DMD: variants seen among roughly 807,000 people sequenced by gnomAD.
DMD encodes dystrophin.
A neutral mutation model predicts 330.1 loss-of-function variants in DMD; 63 were observed. The ratio of observed to expected loss-of-function variants is 0.19; its 90% CI spans 0.16 to 0.24. The LOEUF (loss-of-function observed/expected upper bound fraction) is 0.24. DMD is among the 10% of genes least tolerant of loss of function. The pLI, the probability that DMD is intolerant of heterozygous loss-of-function variation, is 1.00. For missense variants in DMD, 3,344 were observed against 2,684.1 expected (o/e 1.25, Z -5.43); for synonymous variants, 1,223 against 959.8 (o/e 1.27, Z -5.07).
chrX:31,557,976 T>C (rs1049250437), intron 55 of DMD, among the ~76,000 whole-genome samples: 2 of 111,698 alleles, frequency 1.8e-5, no homozygotes, highest in African/African-American at 6.5e-5. Flanking sequence ...CCTTTAGACA[T>C]TCTAGAATGA....
chrX:32,988,615 T>G (rs1288917240), intron 2 of DMD, among the ~76,000 whole-genome samples: 2 of 112,146 alleles, frequency 1.8e-5, no homozygotes, highest in Non-Finnish European at 1.9e-5. Flanking sequence ...CATGAGATAT[T>G]GATGTCTTTG....
At chrX:33,126,033 C>G (rs1217675617) in intron 1 of DMD, among the ~76,000 whole-genome samples, 1 of 51,314 alleles carries the variant, frequency 1.9e-5, no homozygotes, top group South Asian at 1.4e-3. Flanking sequence ...AGCGAGACTC[C>G]GTCTCAAGAA....
intron 1 of DMD, among the ~76,000 whole-genome samples, chrX:33,168,967 T>C (rs2049196371): frequency 9.7e-6 from 1 of 103,567 alleles, no homozygotes; most frequent in African/African-American, 3.4e-5. Context: ...CCAAATAAGA[T>C]AGATTCCTGT....
intron 17 of DMD, among the ~76,000 whole-genome samples, chrX:32,543,143 G>C (rs1272464206): frequency 9.0e-6 from 1 of 111,432 alleles, no homozygotes; most frequent in African/African-American, 3.3e-5. Flanking sequence ...ATCTACTACT[G>C]AGCACATAAT....
In DMD at chrX:32,820,306, G is replaced by T. The variant is rs1417976136; in HGVS notation, c.357+2989C>A. On this transcript the variant is annotated intron_variant, in intron 5 of 78. Coordinates refer to ENST00000357033, the MANE Select transcript of DMD (RefSeq NM_004006.3). ...AAATACAAAAAATTAGCCGGGCGTG[G>T]TGGCGGGCGCCTGTAGTCCCAGCTA... Among the ~76,000 whole-genome samples the T allele has an allele frequency of 3.6e-5, 4 of 111,076 alleles. No individual in the cohort carries two copies. The East Asian group carries it at 1.1e-3, about 32-fold the overall frequency.
At chrX:31,898,835 T>C (rs1010112963) in intron 47 of DMD, among the ~76,000 whole-genome samples, 6 of 112,090 alleles carry the variant, frequency 5.4e-5, no homozygotes, top group African/African-American at 1.9e-4. Context: ...GAATAGCGAA[T>C]AACAGGGGTT....
chrX:32,120,197 A>G (rs781583882), intron 44 of DMD, among the ~76,000 whole-genome samples: 51 of 112,218 alleles, frequency 4.5e-4, no homozygotes, highest in Middle Eastern at 4.7e-3. Flanking sequence ...GAAGAATTCC[A>G]ACCTTTTCAT....
At chrX:32,322,716 A>G (rs1344848356) in intron 41 of DMD, among the ~76,000 whole-genome samples, 1 of 111,835 alleles carries the variant, frequency 8.9e-6, no homozygotes, top group Non-Finnish European at 1.9e-5. Context: ...AATACAAATA[A>G]ATGATACTTG....
intron 7 of DMD, among the ~76,000 whole-genome samples, chrX:32,795,834 C>T (rs2076143888): frequency 9.0e-6 from 1 of 111,167 alleles, no homozygotes; most frequent in South Asian, 3.8e-4. Flanking sequence ...GACAAATGAC[C>T]AACGGGTATA....
chrX:32,918,978 C>T (rs1229444477), intron 2 of DMD, among the ~76,000 whole-genome samples: 6 of 111,992 alleles, frequency 5.4e-5, no homozygotes, highest in East Asian at 2.8e-4. Flanking sequence ...TCCCAAAGGA[C>T]GTTCAAAAGC....
At chrX:31,798,599 G>A (rs999700759) in intron 50 of DMD, among the ~76,000 whole-genome samples, 1 of 110,667 alleles carries the variant, frequency 9.0e-6, no homozygotes, top group Non-Finnish European at 1.9e-5. Context: ...TCACTGGACT[G>A]AGAATCATTT....
chrX:31,885,627 A>G (rs868295874), intron 47 of DMD, among the ~76,000 whole-genome samples: 51 of 57,015 alleles, frequency 8.9e-4, no homozygotes, highest in Admixed American at 1.1e-3. Context: ...AAAAAAAAAA[A>G]AAAAAAAAAA....
intron 2 of DMD, among the ~76,000 whole-genome samples, chrX:33,004,083 C>A (rs1293239022): frequency 8.9e-6 from 1 of 112,021 alleles, no homozygotes; most frequent in Non-Finnish European, 1.9e-5. Flanking sequence ...TTTATTGTTA[C>A]TAAATGCATA....
intron 52 of DMD, among the ~76,000 whole-genome samples, chrX:31,699,367 G>C (rs2083650965): frequency 8.9e-6 from 1 of 112,428 alleles, no homozygotes; most frequent in South Asian, 3.6e-4. Flanking sequence ...CCAGTGCCTA[G>C]ATGAACAAAT....
At position 31,317,101 on chromosome X, in the gene DMD, C is replaced by A. The variant is rs1035848421; in HGVS notation, c.9224+6497G>T. On this transcript the variant is annotated intron_variant, in intron 62 of 78. Transcript: ENST00000357033. ...CAATTTCTATTTCGAAGTCAACATT[C>A]ACAAAATCAGAAAATGTTAGTACTG... 3.6e-5 allele frequency among the ~76,000 whole-genome samples: 4 copies of A among 112,047 alleles called. No individual in the cohort carries two copies. In the Admixed American group the frequency reaches 3.8e-4, roughly 11 times the overall value.
intron 9 of DMD, among the ~76,000 whole-genome samples, chrX:32,658,052 C>G (rs1415422317): frequency 2.7e-5 from 3 of 111,503 alleles, no homozygotes; most frequent in African/African-American, 9.8e-5. Context: ...AAATAATATT[C>G]CTCTAGAATG....
At chrX:31,506,199 C>A (rs2404685) in intron 56 of DMD, among the ~76,000 whole-genome samples, 16,664 of 110,775 alleles carry the variant, frequency 0.15, 1,108 homozygotes, top group East Asian at 0.26. Context: ...TTCTGAATTA[C>A]TAAAAATGCA....
chrX:31,809,298 C>T (rs1246865052), intron 50 of DMD, among the ~76,000 whole-genome samples: 2 of 106,610 alleles, frequency 1.9e-5, no homozygotes, highest in Non-Finnish European at 3.9e-5. Context: ...TATATATAAA[C>T]TATATACAGT....
chrX:32,315,764 A>G (rs1472339852), intron 41 of DMD, among the ~76,000 whole-genome samples: 2 of 111,337 alleles, frequency 1.8e-5, no homozygotes, highest in Non-Finnish European at 3.8e-5. Context: ...GATTTAACAA[A>G]TATTCTTCAG....
Sources: gnomAD v4.1 joint callset for allele counts (sites outside exome capture counted in the v4.1 genomes callset) on GRCh38, gnomAD v4.1.1 for gene constraint, MANE v1.5 for transcripts, NCBI Gene and HGNC (gene_info 2026-07-23, HGNC 2026-07-21) for gene names.